The following ATAD1 variants were observed in gnomAD, a reference collection of about 807,000 sequenced individuals.
ATAD1 encodes ATPase family AAA domain containing 1, also known as outer mitochondrial transmembrane helix translocase.
A neutral mutation model predicts 42.7 loss-of-function variants in ATAD1; 18 were observed. The observed-to-expected ratio is 0.42, with a 90% confidence interval of 0.29 to 0.63. The LOEUF (loss-of-function observed/expected upper bound fraction) is 0.63, where lower values mean the gene tolerates loss of function less well. Ranked by LOEUF, ATAD1 falls within the 20% of genes least tolerant of loss-of-function variation. The probability of loss-of-function intolerance (pLI) is 0.19; values close to 1 mark genes in which losing one functional copy is unlikely to be tolerated. For synonymous variants in ATAD1, 132 were observed against 143.1 expected (o/e 0.92, Z 0.55); for missense variants, 294 against 440.4 (o/e 0.67, Z 2.98).
chr10:87,808,317 G>C (rs1377851046), intron 2 of ATAD1, among the ~76,000 whole-genome samples: 1 of 125,432 alleles, frequency 8.0e-6, no homozygotes, highest in Admixed American at 8.6e-5. Context: ...AGTAAACAAA[G>C]TAAACAAAGA....
At chr10:87,832,407 AAT>A (rs1554887454) in intron 1 of ATAD1, among the ~76,000 whole-genome samples, 71 of 151,646 alleles carry the variant, frequency 4.7e-4, no homozygotes, top group Non-Finnish European at 8.0e-4. Flanking sequence ...AAAAAAAAAA[AAT>A]ATGGCTGCAG....
At chr10:87,838,063 A>T (rs1315992630) in intron 1 of ATAD1, among the ~76,000 whole-genome samples, 3 of 152,172 alleles carry the variant, frequency 2.0e-5, no homozygotes, top group African/African-American at 7.2e-5. Context: ...CCTTATTTCT[A>T]GACTGAGGTT....
At chr10:87,793,248 C>T (rs2131942999) in intron 2 of ATAD1, among the ~76,000 whole-genome samples, 1 of 152,270 alleles carries the variant, frequency 6.6e-6, no homozygotes, top group Middle Eastern at 3.4e-3. Flanking sequence ...CACACATATC[C>T]CATTTTAAAT....
chr10:87,837,271 A>G (rs1857946994), intron 1 of ATAD1, among the ~76,000 whole-genome samples: 1 of 152,170 alleles, frequency 6.6e-6, no homozygotes, highest in Non-Finnish European at 1.5e-5. Flanking sequence ...AATCATATGG[A>G]GAATACTGAT....
At chr10:87,765,392 G>A (rs1038165669) in intron 8 of ATAD1, among the ~76,000 whole-genome samples, 1 of 147,368 alleles carries the variant, frequency 6.8e-6, no homozygotes, top group Non-Finnish European at 1.5e-5. Context: ...GGGAAAACAG[G>A]TAGCAAGAGT....
chr10:87,800,252 C>A (rs945580973), intron 2 of ATAD1, among the ~76,000 whole-genome samples: 1 of 152,058 alleles, frequency 6.6e-6, no homozygotes, highest in Non-Finnish European at 1.5e-5. Flanking sequence ...TATTGATTCA[C>A]GTTTAATAAA....
At chr10:87,802,994 A>G (rs1446549004) in intron 2 of ATAD1, among the ~76,000 whole-genome samples, 9 of 152,192 alleles carry the variant, frequency 5.9e-5, no homozygotes, top group Admixed American at 5.9e-4. Flanking sequence ...TTAATGCCCT[A>G]AGAACTGAAG....
At chr10:87,834,718 GT>G (rs1857899945) in intron 1 of ATAD1, among the ~76,000 whole-genome samples, 2 of 151,676 alleles carry the variant, frequency 1.3e-5, no homozygotes, top group Admixed American at 1.3e-4. Context: ...CCAGTTTTTT[GT>G]TTCATTAATT....
At chr10:87,818,025 T>G (rs1261660762) in intron 1 of ATAD1, 142 bp downstream of exon 1, 2 of 985,376 alleles carry the variant, frequency 2.0e-6, no homozygotes, top group African/African-American at 3.5e-5. Context: ...GCGGGGCGCT[T>G]GGGGGCGGCA....
intron 6 of ATAD1, among the ~76,000 whole-genome samples, chr10:87,774,849 G>A (rs1279541316): frequency 1.3e-5 from 2 of 152,018 alleles, no homozygotes; most frequent in Non-Finnish European, 2.9e-5. Context: ...GAGACTTGGG[G>A]TGCTAAGGCA....
chr10:87,755,494 C>A (rs1055165894), intron 9 of ATAD1, among the ~76,000 whole-genome samples: 15 of 152,134 alleles, frequency 9.9e-5, no homozygotes, highest in African/African-American at 3.6e-4. Flanking sequence ...ACTTTTCATA[C>A]TGAAATACAG....
chr10:87,770,460 C>A (rs1407814855), intron 7 of ATAD1, among the ~76,000 whole-genome samples: 1 of 152,086 alleles, frequency 6.6e-6, no homozygotes, highest in South Asian at 2.1e-4. Flanking sequence ...ACCATCTAAG[C>A]GTTTGCATTC....
chr10:87,784,155 A>G (rs1346481540), intron 5 of ATAD1, among the ~76,000 whole-genome samples: 2 of 152,230 alleles, frequency 1.3e-5, no homozygotes, highest in African/African-American at 2.4e-5. Context: ...GAAGATAGAT[A>G]TATCACACAA....
intron 9 of ATAD1, among the ~76,000 whole-genome samples, chr10:87,756,136 C>A (rs1006246179): frequency 6.6e-6 from 1 of 152,072 alleles, no homozygotes; most frequent in Non-Finnish European, 1.5e-5. Context: ...GGAAGGGAGA[C>A]CAAGAGACAA....
Position 87,751,909 on chromosome 10 carries a change from A to G in ATAD1, c.*2778T>C, listed in dbSNP as rs1854034872. 6.6e-6 allele frequency: 1 copy of G among 152,224 alleles called. No homozygotes were observed. 9.4% of individuals were successfully genotyped at this position (152,224 alleles called of 1,614,324 possible). On this transcript the variant is annotated 3_prime_UTR_variant, in exon 10 of 10. Transcript: ENST00000680024. ...AGAAATCTGTTAACATTTTCCCAAAATAACAATTCAAGTAAAAAATTCCTA... is the reference window on the plus strand; with the variant it reads ...AGAAATCTGTTAACATTTTCCCAAAGTAACAATTCAAGTAAAAAATTCCTA...
chr10:87,808,454 A>T (rs1857029088), intron 2 of ATAD1, among the ~76,000 whole-genome samples: 1 of 152,198 alleles, frequency 6.6e-6, no homozygotes, highest in Admixed American at 6.5e-5. Context: ...CATTTTATCA[A>T]GTTAAAGATC....
intron 1 of ATAD1, among the ~76,000 whole-genome samples, chr10:87,833,868 T>G (rs7085791): frequency 0.79 from 120,208 of 151,758 alleles, 47,938 homozygotes; most frequent in Admixed American, 0.86. Context: ...GGGACTACAG[T>G]CATGTGCCAC....
intron 5 of ATAD1, 32 bp downstream of exon 5, chr10:87,784,438 T>G: frequency 6.3e-7 from 1 of 1,597,426 alleles, no homozygotes; most frequent in Non-Finnish European, 8.6e-7. Flanking sequence ...AAAATGGCCT[T>G]TAAAAATACT....
At chr10:87,805,183 T>TCACA (rs977059804) in intron 2 of ATAD1, among the ~76,000 whole-genome samples, 1 of 152,198 alleles carries the variant, frequency 6.6e-6, no homozygotes, top group African/African-American at 2.4e-5. Flanking sequence ...ACCACAAAAG[T>TCACA]CACACCTTCC....
Sources: allele counts gnomAD v4.1 joint callset (sites outside exome capture counted in the v4.1 genomes callset), GRCh38; gene constraint gnomAD v4.1.1; transcripts MANE v1.5; gene names NCBI Gene and HGNC (gene_info 2026-07-23, HGNC 2026-07-21).